Variants in PPM1K observed in about 807,000 individuals in gnomAD.
The protein encoded by PPM1K is protein phosphatase Mn(2+)-dependent 1K.
PPM1K carries 19 observed loss-of-function variants against 32.6 expected under a neutral mutation model. The ratio of observed to expected loss-of-function variants is 0.58; its 90% CI spans 0.41 to 0.86. PPM1K has a LOEUF of 0.86. Among genes scored for constraint, PPM1K ranks in the 40% least tolerant of loss-of-function variants. The pLI is 0.00. For synonymous variants in PPM1K, 159 were observed against 165.3 expected, an observed-to-expected ratio of 0.96 and a Z score of 0.29; for missense variants, 362 against 461.2, an observed-to-expected ratio of 0.78 and a Z score of 1.97.
At chr4:88,266,551 G>A (rs575030851) in intron 5 of PPM1K, among the ~76,000 whole-genome samples, 44 of 149,468 alleles carry the variant, frequency 2.9e-4, no homozygotes, top group South Asian at 1.3e-3. Flanking sequence ...GATTGACTGC[G>A]TGCAGGTGAT....
At chr4:88,275,830 A>T (rs1731745363) in intron 3 of PPM1K, 1 of 985,334 alleles carries the variant, frequency 1.0e-6, no homozygotes, top group South Asian at 4.7e-5. Flanking sequence ...AACTATTTGG[A>T]ACAAGAGCTA....
chr4:88,281,229 C>G (rs1731993369), intron 1 of PPM1K, among the ~76,000 whole-genome samples: 1 of 152,166 alleles, frequency 6.6e-6, no homozygotes, highest in African/African-American at 2.4e-5. Context: ...AGTATATATG[C>G]CATATTCAGC....
chr4:88,266,862 T>C (rs1731335882), intron 5 of PPM1K, among the ~76,000 whole-genome samples: 1 of 142,732 alleles, frequency 7.0e-6, no homozygotes, highest in Admixed American at 7.1e-5. Flanking sequence ...GTGCAGGTGA[T>C]GTTGGCTGAT....
chr4:88,278,000 A>G lies in PPM1K; in HGVS notation c.440+144T>C, dbSNP rs576123912. 1.4e-4 allele frequency: 95 copies of G among 667,932 alleles called. 2 individuals are homozygous for G. In the South Asian group the frequency reaches 1.8e-3, roughly 13 times the overall value. 41.4% of individuals were successfully genotyped at this position (667,932 alleles called of 1,614,324 possible). A position where few individuals can be genotyped will look rare whatever the true frequency, so the allele number is the denominator to read the frequency against. ...GATAACCATAAGTAATAAATGGCAC[A>G]CTTAAACTACTGCTCATTCGTGAAG... is the stretch of plus-strand genomic sequence containing the variant. On this transcript the variant is annotated intron_variant, in intron 2 of 6. Coordinates refer to ENST00000608933, the MANE Select transcript of PPM1K (RefSeq NM_152542.5).
intron 3 of PPM1K, chr4:88,276,354 A>T: frequency 1.0e-6 from 1 of 985,448 alleles, no homozygotes; most frequent in Non-Finnish European, 1.2e-6. Flanking sequence ...TTACAAGGTT[A>T]CATGCACACA....
chr4:88,275,660 ACAC>A (rs1415403440), intron 3 of PPM1K: 9 of 985,226 alleles, frequency 9.1e-6, no homozygotes, highest in African/African-American at 1.7e-5. Flanking sequence ...CAGCTGGGGC[ACAC>A]CACCGACACT....
Position 88,278,643 on chromosome 4 carries a change from C to T in PPM1K, c.-59-1G>A. Reference sequence around the variant, plus strand: ...GGTCAATGGAACAATAATGGAATGTCTTCAAGAAAAATGATGCAAGTCACA... The same window carrying T: ...GGTCAATGGAACAATAATGGAATGTTTTCAAGAAAAATGATGCAAGTCACA... On this transcript the variant is annotated splice_acceptor_variant, in intron 1 of 6. Coordinates refer to ENST00000608933, the MANE Select transcript of PPM1K (RefSeq NM_152542.5). LOFTEE classifies it low-confidence loss of function (5UTR_SPLICE). This position sits in a 1 kb window ranked among gnomAD's most constrained non-coding sequence, Gnocchi z 4.2. 7.2e-7 allele frequency: 1 copy of T among 1,387,812 alleles called. No homozygotes were observed. The highest frequency in any genetic ancestry group is 9.8e-7 in the Non-Finnish European group (1 of 1,015,424). 86.0% of individuals were successfully genotyped at this position (1,387,812 alleles called of 1,614,324 possible).
Position 88,259,000 on chromosome 4 carries a change from TG to T in PPM1K, c.*3594del, listed in dbSNP as rs777655415. ...TACTCGGGAGGCTGAGGCAGGAGAA[TG>T]GCGTGAACCCAGGAGGCGCAGCTTG... On this transcript the variant is annotated 3_prime_UTR_variant, in exon 7 of 7. Transcript: ENST00000608933. The T allele has an allele frequency of 2.7e-5, 4 of 150,194 alleles. No individual in the cohort carries two copies. Among genetic ancestry groups the T allele is most frequent in the Non-Finnish European group, 4.4e-5 (3 of 67,770 alleles). 9.3% of individuals were successfully genotyped at this position (150,194 alleles called of 1,614,324 possible). A position where few individuals can be genotyped will look rare whatever the true frequency, so the allele number is the denominator to read the frequency against.
chr4:88,283,462 C>G (rs912499108), intron 1 of PPM1K, among the ~76,000 whole-genome samples: 1 of 151,948 alleles, frequency 6.6e-6, no homozygotes, highest in South Asian at 2.1e-4. Context: ...ATTCTGAAAC[C>G]GAAGGACAGC....
chr4:88,278,226 C>A lies in PPM1K; in HGVS notation c.358G>T (p.Val120Phe), dbSNP rs755411401. The change falls in exon 2 of 7, where the codon GTC becomes TTC. Residue 120 changes from valine to phenylalanine, a missense_variant. Coordinates refer to ENST00000608933, the MANE Select transcript of PPM1K (RefSeq NM_152542.5). The surrounding 1 kb of genome is among the most constrained non-coding windows in gnomAD (Gnocchi z 4.2). ...RFDFAQLTDE[V>F]LYFAVYDGHG... Reference sequence around the variant, plus strand: ...CCATCATACACTGCAAAGTACAGGACCTCATCTGTCAGCTGAGCGAAGTCA... The same window carrying A: ...CCATCATACACTGCAAAGTACAGGAACTCATCTGTCAGCTGAGCGAAGTCA... 6.2e-7 allele frequency: 1 copy of A among 1,614,108 alleles called. No homozygotes were observed. Among genetic ancestry groups the A allele is most frequent in the Admixed American group, 1.7e-5 (1 of 60,022 alleles).
At chr4:88,267,255 T>A (rs879559860) in intron 5 of PPM1K, among the ~76,000 whole-genome samples, 2 of 120,008 alleles carry the variant, frequency 1.7e-5, no homozygotes, top group South Asian at 6.0e-4. Context: ...TGATTGGGTG[T>A]GGGTGATGCT....
chr4:88,278,203 A>G lies in PPM1K; in HGVS notation c.381T>C (p.Asp127=). 1.2e-6 allele frequency: 2 copies of G among 1,614,218 alleles called. No homozygotes were observed. The highest frequency in any genetic ancestry group is 1.7e-6 in the Non-Finnish European group (2 of 1,180,036). Residue 127 remains aspartate (D), a synonymous_variant, in exon 2 of 7, where the codon GAT becomes GAC. Coordinates refer to ENST00000608933, the MANE Select transcript of PPM1K (RefSeq NM_152542.5). This position sits in a 1 kb window ranked among gnomAD's most constrained non-coding sequence, Gnocchi z 4.2. ...TDEVLYFAVY[D]GHGGPAAADF... is the part of the protein sequence containing the mutation. ...CAGCTGCTGCAGGTCCACCGTGTCC[A>G]TCATACACTGCAAAGTACAGGACCT...
chr4:88,262,246 G>A lies in PPM1K; in HGVS notation c.*349C>T, dbSNP rs1004371819. ...ACTAGTTTTGAAGAACTTCAAAAACGTGTTCAAATGAATAAAGAACAAAAA... is the reference window on the plus strand; with the variant it reads ...ACTAGTTTTGAAGAACTTCAAAAACATGTTCAAATGAATAAAGAACAAAAA... On this transcript the variant is annotated 3_prime_UTR_variant, in exon 7 of 7. Coordinates refer to ENST00000608933, the MANE Select transcript of PPM1K (RefSeq NM_152542.5). 1.0e-4 allele frequency: 16 copies of A among 157,190 alleles called. No individual in the cohort carries two copies. Among genetic ancestry groups the A allele is most frequent in the Non-Finnish European group, 1.7e-4 (12 of 71,706 alleles). The allele number at this position is 157,190 out of a possible 1,614,324, so 9.7% of individuals were successfully genotyped here. A position where few individuals can be genotyped will look rare whatever the true frequency, so the allele number is the denominator to read the frequency against.
chr4:88,265,815 T>A (rs1188936869), intron 5 of PPM1K, among the ~76,000 whole-genome samples: 2 of 152,236 alleles, frequency 1.3e-5, no homozygotes, highest in Non-Finnish European at 2.9e-5. Context: ...CTTCAAGATA[T>A]CTTGATTTAA....
Position 88,260,265 on chromosome 4 carries a change from C to T in PPM1K, c.*2330G>A, listed in dbSNP as rs1431010938. On this transcript the variant is annotated 3_prime_UTR_variant, in exon 7 of 7. Transcript: ENST00000608933. ...ATGAGGTTTCACCATGTTGGCCAGG[C>T]TGGTCTCTAACTCTTGACCTCAGGT... 6.6e-6 allele frequency: 1 copy of T among 152,172 alleles called. No homozygotes were observed. Among genetic ancestry groups the T allele is most frequent in the East Asian group, 1.9e-4 (1 of 5,182 alleles). The allele number at this position is 152,172 out of a possible 1,614,324, so 9.4% of individuals were successfully genotyped here.
At chr4:88,266,479 T>C (rs568869071) in intron 5 of PPM1K, among the ~76,000 whole-genome samples, 3 of 133,372 alleles carry the variant, frequency 2.2e-5, no homozygotes, top group African/African-American at 5.8e-5. Flanking sequence ...GTGATGCTGA[T>C]TGGGTGCAGG....
intron 3 of PPM1K, among the ~76,000 whole-genome samples, chr4:88,273,238 G>A (rs796768850): frequency 5.3e-5 from 8 of 152,196 alleles, no homozygotes; most frequent in African/African-American, 1.9e-4. Flanking sequence ...GAGGGTAAAG[G>A]AGTCCGTGGC....
At chr4:88,270,265 T>C (rs565773345) in intron 3 of PPM1K, among the ~76,000 whole-genome samples, 1 of 152,174 alleles carries the variant, frequency 6.6e-6, no homozygotes, top group African/African-American at 2.4e-5. Flanking sequence ...ATCAGAAAAG[T>C]AAGATGGAAA....
chr4:88,266,042 A>C (rs1292856430), intron 5 of PPM1K, among the ~76,000 whole-genome samples: 1 of 152,238 alleles, frequency 6.6e-6, no homozygotes, highest in East Asian at 1.9e-4. Context: ...AACAGAGCCC[A>C]GCACATAGTA....
Sources: allele counts gnomAD v4.1 joint callset (sites outside exome capture counted in the v4.1 genomes callset), GRCh38; gene constraint gnomAD v4.1.1; non-coding constraint Gnocchi (gnomAD v3.1); transcripts MANE v1.5; gene names NCBI Gene and HGNC (gene_info 2026-07-23, HGNC 2026-07-21).